WWOX: variants seen among roughly 807,000 people sequenced by gnomAD.
WWOX encodes the protein WW domain-containing oxidoreductase.
Under a neutral mutation model 46.2 loss-of-function variants are expected in WWOX, and 69 were observed. The observed-to-expected ratio is 1.49, with a 90% CI of 1.23 to 1.82. The LOEUF (loss-of-function observed/expected upper bound fraction) is 1.82. WWOX is among the 40% of genes most tolerant of loss of function. The probability of loss-of-function intolerance (pLI) is 0.00; values close to 1 mark genes in which losing one functional copy is unlikely to be tolerated. For missense variants in WWOX, 919 were observed against 542.6 expected (o/e 1.69, Z -6.89); for synonymous variants, 359 against 202.6 (o/e 1.77, Z -6.56).
chr16:79,139,552 C>T (rs960754930), intron 8 of WWOX, among the ~76,000 whole-genome samples: 3 of 152,096 alleles, frequency 2.0e-5, no homozygotes, highest in Admixed American at 2.0e-4. Context: ...TCTTTGGAAT[C>T]GAGCTGTGGA....
At chr16:78,347,175 C>T (rs2081107174) in intron 5 of WWOX, among the ~76,000 whole-genome samples, 1 of 118,282 alleles carries the variant, frequency 8.5e-6, no homozygotes, top group African/African-American at 2.9e-5. Context: ...CTTTGTCTTC[C>T]TTCTCTTTCT....
At chr16:79,167,951 G>C (rs527958692) in intron 8 of WWOX, among the ~76,000 whole-genome samples, 1 of 152,208 alleles carries the variant, frequency 6.6e-6, no homozygotes, top group East Asian at 1.9e-4. Context: ...TGCCTATTCT[G>C]GGTATACCAC....
intron 5 of WWOX, among the ~76,000 whole-genome samples, chr16:78,303,918 C>T (rs896233445): frequency 6.6e-6 from 1 of 152,226 alleles, no homozygotes; most frequent in Admixed American, 6.5e-5. Context: ...AAGAGCCAAG[C>T]CGTCAGCTAT....
At chr16:78,792,985 G>C (rs544785931) in intron 8 of WWOX, among the ~76,000 whole-genome samples, 4 of 152,288 alleles carry the variant, frequency 2.6e-5, no homozygotes, top group South Asian at 2.1e-4. Flanking sequence ...TGGTGCTCAA[G>C]TGATACCATT....
intron 8 of WWOX, among the ~76,000 whole-genome samples, chr16:78,737,496 T>C (rs2049118663): frequency 6.6e-6 from 1 of 151,974 alleles, no homozygotes; most frequent in South Asian, 2.1e-4. Flanking sequence ...ATGAATAAGT[T>C]CTTTAGTGAT....
intron 8 of WWOX, among the ~76,000 whole-genome samples, chr16:78,585,492 T>G (rs865909923): frequency 7.2e-5 from 11 of 152,178 alleles, no homozygotes; most frequent in Admixed American, 2.0e-4. Flanking sequence ...GCCAAAGTAC[T>G]TGGGGTTAAT....
At chr16:79,140,250 A>C (rs1332117729) in intron 8 of WWOX, among the ~76,000 whole-genome samples, 1 of 152,340 alleles carries the variant, frequency 6.6e-6, no homozygotes, top group Admixed American at 6.5e-5. Context: ...CTGCCCTGAA[A>C]TGCACGCTCT....
At chr16:78,378,554 A>G (rs1424764172) in intron 5 of WWOX, among the ~76,000 whole-genome samples, 1 of 152,188 alleles carries the variant, frequency 6.6e-6, no homozygotes, top group African/African-American at 2.4e-5. Flanking sequence ...GAATTATTAA[A>G]CCAGTTGAGT....
chr16:79,036,049 G>T (rs75834095), intron 8 of WWOX, among the ~76,000 whole-genome samples: 1,600 of 152,264 alleles, frequency 0.011, 15 homozygotes, highest in Non-Finnish European at 0.018. Flanking sequence ...GTCCACCTCT[G>T]TGGTCTCTCT....
chr16:78,568,818 A>G (rs964364782), intron 8 of WWOX, among the ~76,000 whole-genome samples: 5 of 152,172 alleles, frequency 3.3e-5, no homozygotes, highest in Non-Finnish European at 7.3e-5. Context: ...TAGCTGTCAC[A>G]ATATTAATAC....
chr16:78,655,764 A>G (rs140413431), intron 8 of WWOX, among the ~76,000 whole-genome samples: 16 of 152,288 alleles, frequency 1.1e-4, no homozygotes, highest in African/African-American at 2.9e-4. Flanking sequence ...TCTGTGAACA[A>G]TTATCACCAA....
At position 79,129,390 on chromosome 16, in the gene WWOX, C is replaced by G. The variant is rs146149515; in HGVS notation, c.1057-82218C>G. On this transcript the variant is annotated intron_variant, in intron 8 of 8. Coordinates refer to ENST00000566780, the MANE Select transcript of WWOX (RefSeq NM_016373.4). The stretch of plus-strand genomic sequence containing the variant: ...AAATTTGTTATGATGCAGTCTATCT[C>G]GTATGGAACGATCTTGATGTATCTA... Among the ~76,000 whole-genome samples, 284 of 146,776 alleles carry G rather than the reference C, an allele frequency of 1.9e-3. 1 individual carries two copies. Among genetic ancestry groups the G allele is most frequent in the African/African-American group, 6.9e-3 (272 of 39,376 alleles).
chr16:78,275,345 C>A (rs2079557775), intron 5 of WWOX, among the ~76,000 whole-genome samples: 1 of 152,200 alleles, frequency 6.6e-6, no homozygotes, highest in South Asian at 2.1e-4. Context: ...ACGGTGGCCG[C>A]CCCAGTTGGA....
At chr16:78,464,601 C>T (rs2084029335) in intron 8 of WWOX, among the ~76,000 whole-genome samples, 1 of 152,146 alleles carries the variant, frequency 6.6e-6, no homozygotes. Flanking sequence ...GAGGCTATGT[C>T]AGAAGCAAGT....
intron 8 of WWOX, among the ~76,000 whole-genome samples, chr16:78,623,013 G>T (rs373278938): frequency 6.6e-6 from 1 of 152,074 alleles, no homozygotes; most frequent in Non-Finnish European, 1.5e-5. Flanking sequence ...GAGGACATTA[G>T]TCCTATAACC....
At chr16:79,159,318 G>A (rs951895626) in intron 8 of WWOX, among the ~76,000 whole-genome samples, 3 of 152,184 alleles carry the variant, frequency 2.0e-5, no homozygotes, top group South Asian at 2.1e-4. Context: ...AAATTATAAA[G>A]CAGTGTTAAA....
At chr16:78,472,722 T>C (rs1464860052) in intron 8 of WWOX, among the ~76,000 whole-genome samples, 1 of 146,902 alleles carries the variant, frequency 6.8e-6, no homozygotes, top group Non-Finnish European at 1.5e-5. Context: ...GGCAGGAGAA[T>C]CGCTTGAACC....
intron 5 of WWOX, among the ~76,000 whole-genome samples, chr16:78,303,040 T>C (rs8051705): frequency 0.088 from 13,339 of 152,234 alleles, 1,730 homozygotes; most frequent in African/African-American, 0.28. Flanking sequence ...ATAGATGCTC[T>C]TATTGGAACA....
intron 6 of WWOX, among the ~76,000 whole-genome samples, chr16:78,412,885 G>A (rs939326989): frequency 6.6e-6 from 1 of 152,168 alleles, no homozygotes; most frequent in African/African-American, 2.4e-5. Context: ...AGTGCAACCT[G>A]CCTAGGTCAA....
Sources: allele counts gnomAD v4.1 joint callset (sites outside exome capture counted in the v4.1 genomes callset), GRCh38; gene constraint gnomAD v4.1.1; transcripts MANE v1.5; gene names NCBI Gene and HGNC (gene_info 2026-07-23, HGNC 2026-07-21).